Variants in GET1 observed in about 807,000 individuals in gnomAD.
GET1 encodes the protein congenital heart disease 5 protein.
A neutral mutation model predicts 22.6 loss-of-function variants in GET1; 20 were observed. That is an observed-to-expected ratio of 0.89 (90% confidence interval 0.62 to 1.29). The LOEUF is 1.29. GET1 is among the 50% of genes most tolerant of loss of function. The pLI, the probability that GET1 is intolerant of heterozygous loss-of-function variation, is 0.00. For synonymous variants in GET1, 92 were observed against 83.8 expected, an observed-to-expected ratio of 1.10 and a Z score of -0.53; for missense variants, 209 against 219.9, an observed-to-expected ratio of 0.95 and a Z score of 0.31.
chr21:39,401,046 G>C (rs2038826279), downstream of GET1, among the ~76,000 whole-genome samples: 1 of 152,020 alleles, frequency 6.6e-6, no homozygotes, highest in Admixed American at 6.6e-5. Context: ...GAGTAGCTGG[G>C]ATTACAGGCA....
rs1327475016 is a variant in GET1 at position 39,380,326 on chromosome 21, G to T, written c.-59G>T. On this transcript the variant is annotated 5_prime_UTR_variant, in exon 1 of 5. Coordinates refer to ENST00000649170, the MANE Select transcript of GET1 (RefSeq NM_004627.6). ...TCACCGCGCAGGCGCGGTCGCCGCTGTTGTTGTGGTCCCCATGGAGCTGCC... is the reference window on the plus strand; with the variant it reads ...TCACCGCGCAGGCGCGGTCGCCGCTTTTGTTGTGGTCCCCATGGAGCTGCC... 6.5e-7 allele frequency: 1 copy of T among 1,546,058 alleles called. No individual in the cohort carries two copies. Among genetic ancestry groups the T allele is most frequent in the African/African-American group, 1.4e-5 (1 of 73,072 alleles).
rs138782916 is a variant in GET1 at position 39,423,376 on chromosome 21, G to A, written c.*24-4856G>A. 1.9e-6 allele frequency: 3 copies of A among 1,611,948 alleles called. No homozygotes were observed. In the African/African-American group the frequency reaches 4.0e-5, roughly 22 times the overall value. ...TAGTCCTTTAATTTTATGAAGCCTT[G>A]CTGAGAGTATTCGATGAGCCATAGC... is the stretch of plus-strand genomic sequence containing the variant. On this transcript the variant is annotated intron_variant, in intron 1 of 1. Coordinates refer to the GET1 transcript ENST00000478273.
At chr21:39,423,599 TACAC>T in intron 1 of GET1, 1 of 891,604 alleles carries the variant, frequency 1.1e-6, no homozygotes, top group South Asian at 2.1e-5. Context: ...ACCACACACA[TACAC>T]ACAAGCGTAA....
intron 1 of GET1, among the ~76,000 whole-genome samples, chr21:39,381,097 C>G (rs529526002): frequency 6.6e-6 from 1 of 152,158 alleles, no homozygotes; most frequent in Non-Finnish European, 1.5e-5. Flanking sequence ...CCTTTACCTC[C>G]CGGAGGAGTC....
chr21:39,392,226 C>G (rs971215001), intron 3 of GET1, among the ~76,000 whole-genome samples: 2 of 152,160 alleles, frequency 1.3e-5, no homozygotes, highest in African/African-American at 4.8e-5. Flanking sequence ...CATGCACGCT[C>G]TCCACCCTCC....
chr21:39,417,665 T>C (rs909451444), intron 1 of GET1, among the ~76,000 whole-genome samples: 1 of 152,208 alleles, frequency 6.6e-6, no homozygotes, highest in African/African-American at 2.4e-5. Flanking sequence ...CTCACAATCA[T>C]GGTTGAAGAC....
downstream of GET1, chr21:39,410,162 T>C (rs1254947034): frequency 3.9e-6 from 5 of 1,277,818 alleles, no homozygotes; most frequent in Admixed American, 1.8e-5. Flanking sequence ...TTGCATTTTA[T>C]TCTAATGACT....
chr21:39,408,387 C>T (rs754759071), downstream of GET1, among the ~76,000 whole-genome samples: 3 of 152,110 alleles, frequency 2.0e-5, no homozygotes, highest in Non-Finnish European at 2.9e-5. Context: ...GAGGACTTGG[C>T]TTAGGAAAGA....
chr21:39,411,056 T>C, downstream of GET1: 1 of 384,250 alleles, frequency 2.6e-6, no homozygotes, highest in Non-Finnish European at 5.2e-6. Flanking sequence ...ACACTAATGA[T>C]AGTGGCATCA....
At chr21:39,427,584 C>T (rs1009584598) in intron 1 of GET1, among the ~76,000 whole-genome samples, 10 of 151,602 alleles carry the variant, frequency 6.6e-5, no homozygotes, top group Non-Finnish European at 1.5e-4. Context: ...ATGGCGTGAA[C>T]CCGGGAGGCA....
At chr21:39,410,364 G>T, downstream of GET1, 1 of 1,549,170 alleles carries the variant, frequency 6.5e-7, no homozygotes, top group Non-Finnish European at 8.9e-7. Context: ...TTTTGTTGAA[G>T]AAACTATGGA....
chr21:39,410,113 C>A, downstream of GET1: 1 of 1,533,486 alleles, frequency 6.5e-7, no homozygotes, highest in Non-Finnish European at 9.0e-7. Context: ...TTTAGAAAAG[C>A]AGCAAAAACA....
At chr21:39,405,731 G>T (rs989661772) in intron 4 of GET1, 1 of 507,684 alleles carries the variant, frequency 2.0e-6, no homozygotes, top group Non-Finnish European at 3.3e-6. Context: ...TACTAGATTA[G>T]CAATCAAACA....
chr21:39,408,500 C>T (rs1219946167), downstream of GET1: 1 of 152,360 alleles, frequency 6.6e-6, no homozygotes, highest in Non-Finnish European at 1.5e-5. Context: ...CAGACTAGGA[C>T]CCCTGCTCCA....
chr21:39,417,549 T>C (rs2041434641), intron 1 of GET1, among the ~76,000 whole-genome samples: 1 of 152,172 alleles, frequency 6.6e-6, no homozygotes, highest in Non-Finnish European at 1.5e-5. Context: ...TTAAATAGGA[T>C]TGTATTAGTC....
chr21:39,401,760 G>A (rs112142280), downstream of GET1, among the ~76,000 whole-genome samples: 10 of 152,226 alleles, frequency 6.6e-5, no homozygotes, highest in South Asian at 4.2e-4. Context: ...TGTGTGTCAC[G>A]TTTTGGTAGT....
At chr21:39,420,522 C>CAAAAGAA (rs553731626) in intron 1 of GET1, among the ~76,000 whole-genome samples, 3 of 87,146 alleles carry the variant, frequency 3.4e-5, no homozygotes, top group African/African-American at 5.0e-5. Flanking sequence ...GATTCTATCT[C>CAAAAGAA]AAAAAAAAAA....
chr21:39,382,205 C>G (rs1481139030), intron 1 of GET1, among the ~76,000 whole-genome samples: 1 of 152,022 alleles, frequency 6.6e-6, no homozygotes, highest in Non-Finnish European at 1.5e-5. Context: ...CCAGTACCTG[C>G]CACCATGCCC....
intron 2 of GET1, 80 bp from the exon 3 acceptor site, chr21:39,391,689 A>G: frequency 7.4e-7 from 1 of 1,351,956 alleles, no homozygotes; most frequent in South Asian, 1.2e-5. Flanking sequence ...ATTATAAGGG[A>G]AAATAACATT....
Sources: gnomAD v4.1 joint callset for allele counts (sites outside exome capture counted in the v4.1 genomes callset) on GRCh38, gnomAD v4.1.1 for gene constraint, MANE v1.5 for transcripts, NCBI Gene and HGNC (gene_info 2026-07-23, HGNC 2026-07-21) for gene names.